COL4A3: variants seen among roughly 807,000 people sequenced by gnomAD.
COL4A3 encodes collagen type IV alpha 3 chain.
In COL4A3, 135 loss-of-function variants were observed where a neutral mutation model predicts 217.4. That is an observed-to-expected ratio of 0.62 (90% CI 0.54 to 0.72). COL4A3 has a LOEUF of 0.72. Ranked by LOEUF, COL4A3 falls within the 30% of genes least tolerant of loss-of-function variation. The pLI is 0.00. For synonymous variants in COL4A3, 690 were observed against 736.3 expected (o/e 0.94, Z 1.02); for missense variants, 1,868 against 2,119.9 (o/e 0.88, Z 2.33).
In COL4A3 at chr2:227,313,706, T is replaced by G. The variant is rs2073816704; in HGVS notation, c.*1836T>G. The G allele has an allele frequency of 6.6e-6, 1 of 152,656 alleles. No homozygotes were observed. The highest frequency in any genetic ancestry group is 1.5e-5 in the Non-Finnish European group (1 of 68,052). 9.5% of individuals were successfully genotyped at this position (152,656 alleles called of 1,614,324 possible). On this transcript the variant is annotated 3_prime_UTR_variant, in exon 52 of 52. Transcript: ENST00000396578. ...AGCCATTTTTACATCTAAACTAAGA[T>G]GTGCAGCATTTCACTTATTTAGATT...
Position 227,251,378 on chromosome 2 carries a change from T to C in COL4A3, c.645+7T>C. The C allele has an allele frequency of 6.2e-7, 1 of 1,612,232 alleles. No homozygotes were observed. The highest frequency in any genetic ancestry group is 8.5e-7 in the Non-Finnish European group (1 of 1,179,612). ...GGGACCTAGAGGACCTAAGGTAGAC[T>C]ACAGTTCATATGATGTAACAGCTAG... is the stretch of plus-strand genomic sequence containing the variant. On this transcript the variant is annotated splice_region_variant and intron_variant, in intron 11 of 51. Coordinates refer to ENST00000396578, the MANE Select transcript of COL4A3 (RefSeq NM_000091.5).
At chr2:227,275,092 G>A (rs1004223962) in intron 26 of COL4A3, among the ~76,000 whole-genome samples, 1 of 152,100 alleles carries the variant, frequency 6.6e-6, no homozygotes, top group Non-Finnish European at 1.5e-5. Flanking sequence ...TTTCAATCAC[G>A]AAGCCTAAAT....
intron 1 of COL4A3, among the ~76,000 whole-genome samples, chr2:227,207,998 A>C (rs950802733): frequency 6.6e-6 from 1 of 152,108 alleles, no homozygotes; most frequent in Admixed American, 6.6e-5. Flanking sequence ...AAATTGGAGT[A>C]TTGGTTACTC....
intron 1 of COL4A3, among the ~76,000 whole-genome samples, chr2:227,208,253 T>C (rs1026002199): frequency 2.6e-5 from 4 of 152,236 alleles, no homozygotes; most frequent in Non-Finnish European, 5.9e-5. Flanking sequence ...GGGGACCAGT[T>C]TGCCTTTGCA....
Position 227,298,944 on chromosome 2 carries a change from T to C in COL4A3, c.3882+132T>C, listed in dbSNP as rs11677093. On this transcript the variant is annotated intron_variant, in intron 43 of 51. Transcript: ENST00000396578. Reference sequence around the variant, plus strand: ...CATTCTCATGATGTTAATAAAGACATACCCGAGACTGGGTAATTTATAAAA... The same window carrying C: ...CATTCTCATGATGTTAATAAAGACACACCCGAGACTGGGTAATTTATAAAA... 0.015 allele frequency: 13,187 copies of C among 865,552 alleles called. 135 individuals are homozygous for C. The highest frequency in any genetic ancestry group is 0.053 in the Middle Eastern group (141 of 2,654). The allele number at this position is 865,552 out of a possible 1,614,324, so 53.6% of individuals were successfully genotyped here. A position where few individuals can be genotyped will look rare whatever the true frequency, so the allele number is the denominator to read the frequency against.
At chr2:227,267,662 G>T (rs1688573825) in intron 23 of COL4A3, among the ~76,000 whole-genome samples, 1 of 152,130 alleles carries the variant, frequency 6.6e-6, no homozygotes, top group African/African-American at 2.4e-5. Flanking sequence ...CATTGTTACT[G>T]TGCAACATGT....
chr2:227,291,639 A>G (rs1036491440), intron 37 of COL4A3, among the ~76,000 whole-genome samples: 1 of 151,728 alleles, frequency 6.6e-6, no homozygotes, highest in African/African-American at 2.4e-5. Context: ...AAGATACAAA[A>G]TAAAATAACT....
At chr2:227,211,417 A>G (rs567294468) in intron 1 of COL4A3, among the ~76,000 whole-genome samples, 1 of 152,330 alleles carries the variant, frequency 6.6e-6, no homozygotes, top group East Asian at 1.9e-4. Flanking sequence ...AGTTTTTACT[A>G]TCACAAAGCT....
At chr2:227,237,886 G>GAA in intron 1 of COL4A3, 82 bp from the exon 2 acceptor site, 1 of 990,380 alleles carries the variant, frequency 1.0e-6, no homozygotes, top group Non-Finnish European at 1.6e-6. Flanking sequence ...GAAGAACAGA[G>GAA]AAATGCATTT....
At chr2:227,207,553 A>G (rs76114773) in intron 1 of COL4A3, among the ~76,000 whole-genome samples, 21,411 of 152,098 alleles carry the variant, frequency 0.14, 1,625 homozygotes, top group Non-Finnish European at 0.16. Context: ...CACCTTAAGG[A>G]TACTGCTTCA....
rs181687865 is a variant in COL4A3 at position 227,253,677 on chromosome 2, G to A, written c.765+39G>A. On this transcript the variant is annotated intron_variant, in intron 13 of 51. Coordinates refer to ENST00000396578, the MANE Select transcript of COL4A3 (RefSeq NM_000091.5). This position sits in a 1 kb window ranked among gnomAD's most constrained non-coding sequence, Gnocchi z 4.4. The stretch of plus-strand genomic sequence containing the variant: ...TTTATGATTAGTGTTGTGCCTTCCC[G>A]TGTCTAGGATGAAGTCCTTGTGACC... 1,732 of 1,541,582 alleles carry A rather than the reference G, an allele frequency of 1.1e-3. 22 individuals are homozygous for A. The African/African-American group carries it at 0.021, about 19-fold the overall frequency.
chr2:227,238,994 CTTG>C (rs927968241), intron 2 of COL4A3, among the ~76,000 whole-genome samples: 34 of 152,156 alleles, frequency 2.2e-4, no homozygotes, highest in African/African-American at 7.7e-4. Flanking sequence ...TATTTCTCTT[CTTG>C]TTGAGTGTGT....
Position 227,247,569 on chromosome 2 carries a change from T to A in COL4A3, c.453T>A (p.Gly151=). 1 of 1,614,070 alleles carries A rather than the reference T, an allele frequency of 6.2e-7. No individual in the cohort carries two copies. Among genetic ancestry groups the A allele is most frequent in the Non-Finnish European group, 8.5e-7 (1 of 1,179,974 alleles). The change falls in exon 8 of 52, where the codon GGT becomes GGA. Residue 151 remains glycine, a synonymous_variant. Coordinates refer to ENST00000396578, the MANE Select transcript of COL4A3 (RefSeq NM_000091.5). ...TGCTTTTTTCCTAGGGTGCTGCTGGTTTGAAAGGACAAAAGGTAAGTCATT... is the reference window on the plus strand; with the variant it reads ...TGCTTTTTTCCTAGGGTGCTGCTGGATTGAAAGGACAAAAGGTAAGTCATT... ...LGYPGIPGAA[G]LKGQKGAPAK...
chr2:227,174,749 C>T (rs150684721), intron 1 of COL4A3, among the ~76,000 whole-genome samples: 8 of 152,228 alleles, frequency 5.3e-5, no homozygotes, highest in East Asian at 1.9e-4. Context: ...CGAAGTGATC[C>T]GCTCACCTTG....
At chr2:227,220,972 T>C (rs1212287551) in intron 1 of COL4A3, 1 of 152,240 alleles carries the variant, frequency 6.6e-6, no homozygotes, top group Non-Finnish European at 1.5e-5. Flanking sequence ...TGAATAATGA[T>C]TTTATCTTCA....
In COL4A3 at chr2:227,294,541, T is replaced by C; in HGVS notation, c.3389T>C (p.Leu1130Pro). Residue 1130 changes from leucine (L) to proline (P), a missense_variant, in exon 39 of 52, where the codon CTG (leucine) becomes CCG (proline). By Grantham distance (98) the Leu-to-Pro change is moderately conservative (BLOSUM62 -3). This residue lies in a region of COL4A3 where 1,503 missense variants were observed against 1,786.1 expected (regional missense o/e 0.84). Transcript: ENST00000396578. Reference protein sequence around the residue: ...DLGFKGIKGLLGPPGIRGPPG... With the variant: ...DLGFKGIKGLPGPPGIRGPPG... The stretch of plus-strand genomic sequence containing the variant: ...GGTTTTAAAGGAATCAAAGGCCTCC[T>C]GGGCCCTCCAGGAATCAGAGGCCCT... 1.9e-6 allele frequency: 3 copies of C among 1,613,766 alleles called. No individual in the cohort carries two copies. Among genetic ancestry groups the C allele is most frequent in the Non-Finnish European group, 8.5e-7 (1 of 1,179,620 alleles).
intron 23 of COL4A3, 110 bp downstream of exon 23, chr2:227,267,198 T>C (rs2070952067): frequency 1.3e-6 from 1 of 776,264 alleles, no homozygotes. Flanking sequence ...TAGATGAACT[T>C]GGAGGGAGAG....
chr2:227,276,205 T>C (rs2071550319), intron 26 of COL4A3, among the ~76,000 whole-genome samples, 180 bp from the exon 27 acceptor site: 1 of 152,258 alleles, frequency 6.6e-6, no homozygotes, highest in South Asian at 2.1e-4. Context: ...ATTTGTTGAT[T>C]CAATAAGAAA....
intron 1 of COL4A3, among the ~76,000 whole-genome samples, chr2:227,205,710 A>ATTTTTTTTTTT (rs398105402): frequency 8.7e-5 from 13 of 149,572 alleles, no homozygotes; most frequent in Non-Finnish European, 1.5e-4. Flanking sequence ...TTCAACAAAT[A>ATTTTTTTTTTT]TTTTTTTTTT....
Sources: gnomAD v4.1 joint callset for allele counts (sites outside exome capture counted in the v4.1 genomes callset) on GRCh38, gnomAD v4.1.1 for gene constraint, gnomAD v4.1.1 regional missense constraint, Gnocchi (gnomAD v3.1) non-coding constraint, MANE v1.5 for transcripts, NCBI Gene and HGNC (gene_info 2026-07-23, HGNC 2026-07-21) for gene names.